The following WDR7 variants were observed in gnomAD, a reference collection of about 807,000 sequenced individuals.
WDR7 encodes WD repeat domain 7.
A neutral mutation model predicts 169.4 loss-of-function variants in WDR7; 46 were observed. That is an observed-to-expected ratio of 0.27 (90% confidence interval 0.21 to 0.35). The LOEUF is 0.35. Among genes scored for constraint, WDR7 ranks in the 10% least tolerant of loss-of-function variants. The probability of loss-of-function intolerance (pLI) is 1.00; values close to 1 mark genes in which losing one functional copy is unlikely to be tolerated. For missense variants in WDR7, 1,534 were observed against 1,859.3 expected, an observed-to-expected ratio of 0.83 and a Z score of 3.22; for synonymous variants, 612 against 666.8, an observed-to-expected ratio of 0.92 and a Z score of 1.27.
At chr18:56,871,757 G>A (rs2045956331) in intron 20 of WDR7, among the ~76,000 whole-genome samples, 1 of 151,914 alleles carries the variant, frequency 6.6e-6, no homozygotes, top group Non-Finnish European at 1.5e-5. Context: ...AAATTGTTAT[G>A]TTAACACAAA....
rs1226278647 is a variant in WDR7 at position 56,756,928 on chromosome 18, G to A, written c.2335G>A (p.Glu779Lys). The A allele has an allele frequency of 6.2e-7, 1 of 1,614,066 alleles. No individual in the cohort carries two copies. Among genetic ancestry groups the A allele is most frequent in the Non-Finnish European group, 8.5e-7 (1 of 1,180,000 alleles). ...MRQRREESDP[E>K]YRSSKSKPLT... ...GCAGAGAAGGGAAGAAAGTGATCCT[G>A]AATATCGGTCCAGCAAATCAAAGCC... Residue 779 changes from glutamate (E) to lysine (K), a missense_variant, in exon 15 of 28, where the codon GAA becomes AAA. By Grantham distance (56) the Glu-to-Lys change is moderately conservative (BLOSUM62 1). Coordinates refer to ENST00000254442, the MANE Select transcript of WDR7 (RefSeq NM_015285.3).
intron 21 of WDR7, among the ~76,000 whole-genome samples, chr18:56,906,423 G>A (rs1454642688): frequency 6.6e-6 from 1 of 152,124 alleles, no homozygotes; most frequent in Non-Finnish European, 1.5e-5. Context: ...ATTAAAGAGG[G>A]GGAAGCAAAT....
intron 1 of WDR7, among the ~76,000 whole-genome samples, chr18:56,662,523 G>A (rs888890687): frequency 3.9e-5 from 6 of 152,208 alleles, no homozygotes; most frequent in Admixed American, 6.5e-5. Flanking sequence ...TCAAATGGTC[G>A]AAGGTAGCAT....
At chr18:57,020,223 A>G (rs1463657816) in intron 26 of WDR7, among the ~76,000 whole-genome samples, 1 of 152,228 alleles carries the variant, frequency 6.6e-6, no homozygotes, top group African/African-American at 2.4e-5. Flanking sequence ...GCAGCTATAT[A>G]CATTTAAATA....
chr18:56,906,798 T>A (rs960782029), intron 21 of WDR7, among the ~76,000 whole-genome samples: 2 of 152,176 alleles, frequency 1.3e-5, no homozygotes, highest in East Asian at 3.8e-4. Context: ...CACCTTGGCC[T>A]CCCAAAGTGC....
chr18:56,751,668 G>A (rs940878382), intron 14 of WDR7, among the ~76,000 whole-genome samples: 3 of 152,182 alleles, frequency 2.0e-5, no homozygotes, highest in Admixed American at 6.5e-5. Context: ...AGCTTTGTAT[G>A]TGGTAGCTAT....
rs955543634 is a variant in WDR7, at chr18:56,686,270, C to T, written c.597+238C>T. Among the ~76,000 whole-genome samples, 3 of 151,672 alleles carry T rather than the reference C, an allele frequency of 2.0e-5. No individual in the cohort carries two copies. In the South Asian group the frequency reaches 6.3e-4, roughly 32 times the overall value. On this transcript the variant is annotated intron_variant, in intron 6 of 27. Transcript: ENST00000254442. ...GGATATAAAATAGAGAAACATATTGCGCAGGATATGTAGAGGAGAAACGTA... is the reference window on the plus strand; with the variant it reads ...GGATATAAAATAGAGAAACATATTGTGCAGGATATGTAGAGGAGAAACGTA...
At chr18:56,860,922 A>C (rs7232275) in intron 20 of WDR7, among the ~76,000 whole-genome samples, 1 of 152,150 alleles carries the variant, frequency 6.6e-6, no homozygotes, top group Non-Finnish European at 1.5e-5. Context: ...CATATAATAC[A>C]TGAAAATATT....
intron 20 of WDR7, among the ~76,000 whole-genome samples, chr18:56,825,123 C>T (rs1325168435): frequency 6.6e-6 from 1 of 152,208 alleles, no homozygotes; most frequent in African/African-American, 2.4e-5. Context: ...CTTCCTTGCT[C>T]TGGTAACTGT....
chr18:56,696,889 A>C (rs138319994), intron 12 of WDR7, among the ~76,000 whole-genome samples: 73 of 152,352 alleles, frequency 4.8e-4, no homozygotes, highest in African/African-American at 1.5e-3. Flanking sequence ...GAGTTCACTT[A>C]AATAAAAAAT....
intron 16 of WDR7, among the ~76,000 whole-genome samples, chr18:56,768,981 T>C (rs1417976749): frequency 1.3e-5 from 2 of 152,224 alleles, no homozygotes; most frequent in Admixed American, 6.5e-5. Context: ...TGGAAAATAG[T>C]ATCTTCACAA....
At chr18:56,766,830 C>T (rs1431769673) in intron 16 of WDR7, among the ~76,000 whole-genome samples, 1 of 152,084 alleles carries the variant, frequency 6.6e-6, no homozygotes, top group African/African-American at 2.4e-5. Context: ...GTTTTAACAC[C>T]CTTCACTGAT....
intron 19 of WDR7, among the ~76,000 whole-genome samples, chr18:56,804,733 G>T (rs890307897): frequency 6.6e-6 from 1 of 152,190 alleles, no homozygotes; most frequent in East Asian, 1.9e-4. Context: ...CAAAAACTGC[G>T]ACAGATCATC....
intron 6 of WDR7, 28 bp downstream of exon 6, chr18:56,686,060 C>G: frequency 6.4e-7 from 1 of 1,563,256 alleles, no homozygotes; most frequent in Non-Finnish European, 8.6e-7. Flanking sequence ...GGGGTGATTT[C>G]TCTGTTTTTA....
At chr18:57,019,612 A>G (rs899579137) in intron 26 of WDR7, among the ~76,000 whole-genome samples, 25 of 152,312 alleles carry the variant, frequency 1.6e-4, no homozygotes, top group Non-Finnish European at 3.1e-4. Flanking sequence ...CAAAGGCAGC[A>G]AGGAATGTGC....
intron 9 of WDR7, among the ~76,000 whole-genome samples, chr18:56,693,308 AG>A (rs1661513660): frequency 6.6e-6 from 1 of 152,160 alleles, no homozygotes; most frequent in Non-Finnish European, 1.5e-5. Context: ...TTTTAGTAGA[AG>A]TCCACCACAC....
intron 21 of WDR7, among the ~76,000 whole-genome samples, chr18:56,888,160 A>T (rs1477514068): frequency 1.3e-5 from 2 of 152,238 alleles, no homozygotes; most frequent in African/African-American, 4.8e-5. Context: ...ATCCACATTG[A>T]TGGGAGGAAG....
At chr18:56,896,829 G>A (rs1568254178) in intron 21 of WDR7, among the ~76,000 whole-genome samples, 1 of 151,646 alleles carries the variant, frequency 6.6e-6, no homozygotes. Context: ...ACAAATTCAA[G>A]TACATTAAAC....
At chr18:57,000,816 T>A (rs1173537401) in intron 26 of WDR7, among the ~76,000 whole-genome samples, 3 of 152,198 alleles carry the variant, frequency 2.0e-5, no homozygotes, top group African/African-American at 2.4e-5. Flanking sequence ...TGGTGTAGAA[T>A]CTTTAGCGTA....
Sources: gnomAD v4.1 joint callset for allele counts (sites outside exome capture counted in the v4.1 genomes callset) on GRCh38, gnomAD v4.1.1 for gene constraint, MANE v1.5 for transcripts, NCBI Gene and HGNC (gene_info 2026-07-23, HGNC 2026-07-21) for gene names.